Variants in MYO16 observed in about 807,000 individuals in gnomAD.
MYO16 encodes myosin XVI, also known as unconventional myosin-XVI.
In MYO16, 94 loss-of-function variants were observed where a neutral mutation model predicts 205.3. That is an observed-to-expected ratio of 0.46 (90% CI 0.39 to 0.54). MYO16 has a LOEUF of 0.54. Among genes scored for constraint, MYO16 ranks in the 20% least tolerant of loss-of-function variants. MYO16 has a pLI of 0.00. For missense variants in MYO16, 2,315 were observed against 2,387.5 expected, an observed-to-expected ratio of 0.97 and a Z score of 0.63; for synonymous variants, 988 against 954.0, an observed-to-expected ratio of 1.04 and a Z score of -0.66.
intron 34 of MYO16, among the ~76,000 whole-genome samples, chr13:109,199,275 G>T (rs1880312824): frequency 8.0e-6 from 1 of 125,500 alleles, no homozygotes; most frequent in African/African-American, 2.9e-5. Context: ...CTGTGCCCTG[G>T]GTAACACTTT....
chr13:108,576,002 G>C, the MYO16 span, among the ~76,000 whole-genome samples: 1 of 152,080 alleles, frequency 6.6e-6, no homozygotes, highest in South Asian at 2.1e-4. Flanking sequence ...AAGGGATAGA[G>C]AAAGGCCAGG....
chr13:108,869,711 A>G (rs1878940543), intron 12 of MYO16, among the ~76,000 whole-genome samples: 1 of 139,838 alleles, frequency 7.2e-6, no homozygotes, highest in Admixed American at 7.5e-5. Context: ...AGCCTGGGCG[A>G]CAGAGCGAGA....
At chr13:108,886,793 C>G (rs767333478) in intron 13 of MYO16, among the ~76,000 whole-genome samples, 3 of 152,100 alleles carry the variant, frequency 2.0e-5, no homozygotes, top group Non-Finnish European at 4.4e-5. Context: ...GGACCCTTCC[C>G]TGACTGTCTG....
At chr13:108,917,074 T>C (rs1022151210) in intron 16 of MYO16, among the ~76,000 whole-genome samples, 10 of 152,106 alleles carry the variant, frequency 6.6e-5, no homozygotes, top group African/African-American at 1.7e-4. Context: ...ATGCGGCTTC[T>C]CTCTGTCACA....
intron 3 of MYO16, among the ~76,000 whole-genome samples, chr13:108,724,625 C>T (rs569132428): frequency 2.0e-5 from 3 of 151,872 alleles, no homozygotes; most frequent in Admixed American, 6.6e-5. Flanking sequence ...TCAATTTTAA[C>T]TCTTTAGCGG....
At chr13:108,523,795 G>A in the MYO16 span, among the ~76,000 whole-genome samples, 2 of 152,184 alleles carry the variant, frequency 1.3e-5, no homozygotes, top group African/African-American at 2.4e-5. Context: ...CCACTGACCT[G>A]TGTGCATGAC....
chr13:108,590,945 C>A, the MYO16 span, among the ~76,000 whole-genome samples: 3 of 152,174 alleles, frequency 2.0e-5, no homozygotes, highest in Non-Finnish European at 4.4e-5. Context: ...TTGGTCATGG[C>A]AGTCCTAGGA....
At chr13:109,144,099 C>G (rs889432713) in intron 32 of MYO16, among the ~76,000 whole-genome samples, 2 of 150,832 alleles carry the variant, frequency 1.3e-5, no homozygotes, top group Non-Finnish European at 2.9e-5. Flanking sequence ...ACTGCAGCCT[C>G]TGCCTTCCAA....
intron 3 of MYO16, among the ~76,000 whole-genome samples, chr13:108,720,685 T>C (rs989636788): frequency 2.0e-5 from 3 of 152,114 alleles, no homozygotes; most frequent in African/African-American, 7.2e-5. Context: ...ATTTCTCTAG[T>C]CTCCTCTGCC....
chr13:108,984,250 T>G (rs1383050634), intron 20 of MYO16, among the ~76,000 whole-genome samples: 2 of 152,128 alleles, frequency 1.3e-5, no homozygotes, highest in Non-Finnish European at 2.9e-5. Flanking sequence ...AATGGGTGAA[T>G]TTTGAAGCCT....
chr13:108,567,223 T>C, the MYO16 span, among the ~76,000 whole-genome samples: 1 of 151,892 alleles, frequency 6.6e-6, no homozygotes, highest in Non-Finnish European at 1.5e-5. Flanking sequence ...ATGATGGAAG[T>C]AGAAATAGGA....
chr13:108,937,000 T>A (rs1020923258), intron 16 of MYO16, among the ~76,000 whole-genome samples: 2 of 152,194 alleles, frequency 1.3e-5, no homozygotes, highest in African/African-American at 4.8e-5. Context: ...TTTGTCTGCA[T>A]GTTTAGAACT....
chr13:109,122,742 T>TCATATTG (rs1876052731), intron 29 of MYO16, among the ~76,000 whole-genome samples: 1 of 151,818 alleles, frequency 6.6e-6, no homozygotes, highest in African/African-American at 2.4e-5. Context: ...AACCATAATC[T>TCATATTG]CATATTGCAT....
At chr13:108,531,178 G>C in the MYO16 span, among the ~76,000 whole-genome samples, 1 of 152,202 alleles carries the variant, frequency 6.6e-6, no homozygotes, top group Non-Finnish European at 1.5e-5. Flanking sequence ...GGTGAGGTTG[G>C]CAAAGTTAGT....
Position 109,022,679 on chromosome 13 carries a change from C to T in MYO16, c.2796+2768C>T, listed in dbSNP as rs540581595. Among the ~76,000 whole-genome samples the T allele has an allele frequency of 9.2e-4, 50 of 54,142 alleles. 1 individual carries two copies. The highest frequency in any genetic ancestry group is 2.7e-3 in the African/African-American group (49 of 18,412). 35.5% of individuals were successfully genotyped at this position (54,142 alleles called of 152,430 possible). ...TATATATTTATATATTATATATACA[C>T]ATATAAACATGTATATATTTATATA... On this transcript the variant is annotated intron_variant, in intron 23 of 34. Coordinates refer to ENST00000457511, the MANE Select transcript of MYO16 (RefSeq NM_001198950.3).
intron 34 of MYO16, among the ~76,000 whole-genome samples, chr13:109,205,050 T>TA (rs35890376): frequency 9.9e-5 from 15 of 151,142 alleles, no homozygotes; most frequent in East Asian, 5.8e-4. Context: ...CCCTAAAGAA[T>TA]AAAAAAAAAA....
chr13:108,929,851 G>A (rs535239297), intron 16 of MYO16, among the ~76,000 whole-genome samples: 68 of 152,166 alleles, frequency 4.5e-4, no homozygotes, highest in African/African-American at 1.6e-3. Context: ...TGCAAGTAAA[G>A]GGAAAAGAAA....
chr13:108,760,388 G>T (rs1885566897), intron 4 of MYO16, among the ~76,000 whole-genome samples: 1 of 145,754 alleles, frequency 6.9e-6, no homozygotes, highest in Non-Finnish European at 1.5e-5. Flanking sequence ...CATGCCTCTT[G>T]CTTCTGTTAC....
chr13:108,869,772 T>TA (rs1394841921), intron 12 of MYO16, among the ~76,000 whole-genome samples: 5 of 97,704 alleles, frequency 5.1e-5, no homozygotes, highest in African/African-American at 1.2e-4. Flanking sequence ...AAACCACACA[T>TA]AAAAAATCTT....
Sources: gnomAD v4.1 joint callset for allele counts (sites outside exome capture counted in the v4.1 genomes callset) on GRCh38, gnomAD v4.1.1 for gene constraint, MANE v1.5 for transcripts, NCBI Gene and HGNC (gene_info 2026-07-23, HGNC 2026-07-21) for gene names.